Variants in EBF4 observed in about 807,000 individuals in gnomAD.
The protein encoded by EBF4 is EBF transcription factor 4.
EBF4 carries 34 observed loss-of-function variants against 67.1 expected under a neutral mutation model. The observed-to-expected ratio is 0.51, with a 90% CI of 0.39 to 0.67. EBF4 has a LOEUF of 0.67. Among genes scored for constraint, EBF4 ranks in the 30% least tolerant of loss-of-function variants. The probability of loss-of-function intolerance (pLI) is 0.00; values close to 1 mark genes in which losing one functional copy is unlikely to be tolerated. For synonymous variants in EBF4, 387 were observed against 377.7 expected, an observed-to-expected ratio of 1.02 and a Z score of -0.29; for missense variants, 837 against 873.3, an observed-to-expected ratio of 0.96 and a Z score of 0.52.
chr20:2,693,905 G>A lies in EBF4; in HGVS notation c.137+123G>A. 8.3e-7 allele frequency: 1 copy of A among 1,200,322 alleles called. No individual in the cohort carries two copies. The highest frequency in any genetic ancestry group is 1.0e-6 in the Non-Finnish European group (1 of 957,222). 74.4% of individuals were successfully genotyped at this position (1,200,322 alleles called of 1,614,324 possible). ...CCCTAACTCTGGACGGTCCCGGCGA[G>A]CTCCCCGGCCCACCCCGTCCGGAGT... On this transcript the variant is annotated intron_variant, in intron 1 of 16. Coordinates refer to ENST00000609451, the Ensembl canonical transcript of EBF4. This position sits in a 1 kb window ranked among gnomAD's most constrained non-coding sequence, Gnocchi z 4.6.
At chr20:2,701,087 A>G (rs2146371500) in intron 1 of EBF4, among the ~76,000 whole-genome samples, 1 of 152,284 alleles carries the variant, frequency 6.6e-6, no homozygotes, top group Admixed American at 6.5e-5. Context: ...CGTCATTAAC[A>G]CTGCCCTGTT....
At chr20:2,732,734 T>C (rs2087830456) in intron 6 of EBF4, among the ~76,000 whole-genome samples, 1 of 152,210 alleles carries the variant, frequency 6.6e-6, no homozygotes, top group South Asian at 2.1e-4. Flanking sequence ...ATTTCATCCA[T>C]TTATATTTAA....
At chr20:2,752,487 C>T in exon 14 of EBF4, 1 of 1,263,294 alleles carries the variant, frequency 7.9e-7, no homozygotes, top group Middle Eastern at 2.8e-4. Flanking sequence ...TGGCCGGCCT[C>T]GGCGTGCCTG....
intron 5 of EBF4, among the ~76,000 whole-genome samples, chr20:2,709,158 G>A (rs2087502725): frequency 6.6e-6 from 1 of 152,200 alleles, no homozygotes; most frequent in Admixed American, 6.5e-5. Flanking sequence ...CTGTACTCCA[G>A]CCTGGGTGAC....
chr20:2,740,993 A>G (rs2087958917), intron 6 of EBF4, among the ~76,000 whole-genome samples: 1 of 152,098 alleles, frequency 6.6e-6, no homozygotes, highest in Admixed American at 6.5e-5. Flanking sequence ...AACTCACTGT[A>G]AAGTTCCTGG....
intron 6 of EBF4, among the ~76,000 whole-genome samples, chr20:2,742,490 C>G (rs1464650577): frequency 6.6e-6 from 1 of 152,134 alleles, no homozygotes; most frequent in Non-Finnish European, 1.5e-5. Context: ...GTGTTTTCTT[C>G]CAGTAATCCT....
In EBF4 at chr20:2,751,650, A is replaced by AG; in HGVS notation, c.1019-49dup. On this transcript the variant is annotated intron_variant, in intron 10 of 16. Coordinates refer to ENST00000609451, the Ensembl canonical transcript of EBF4. The surrounding 1 kb of genome is among the most constrained non-coding windows in gnomAD (Gnocchi z 5.2). ...TTGGCGCCCTGCGTCTCACCCTGGG[A>AG]GTGGGGGGCTGCGGGGGAGACGTCC... 1 of 1,534,002 alleles carries AG rather than the reference A, an allele frequency of 6.5e-7. No homozygotes were observed. The highest frequency in any genetic ancestry group is 8.8e-7 in the Non-Finnish European group (1 of 1,132,726).
Position 2,752,141 on chromosome 20 carries a change from G to A in EBF4, c.1229G>A (p.Arg410His), listed in dbSNP as rs1232282456. 11 of 1,446,896 alleles carry A rather than the reference G, an allele frequency of 7.6e-6. No homozygotes were observed. Among genetic ancestry groups the A allele is most frequent in the Non-Finnish European group, 9.1e-6 (10 of 1,104,356 alleles). 89.6% of individuals were successfully genotyped at this position (1,446,896 alleles called of 1,614,324 possible). The change falls in exon 13 of 17, where the codon CGC (arginine) becomes CAC (histidine). Residue 410 changes from arginine to histidine, a missense_variant. By Grantham distance (29) the Arg-to-His change is conservative. This residue lies in a region of EBF4 where 525 missense variants were observed against 496.5 expected (regional missense o/e 1.06). Transcript: ENST00000609451. ...GCCGAGGCTCTGTACAGCACCCCCC[G>A]CGCACCCGGGCCGCTCGCACCCCTG...
chr20:2,754,344 T>G (rs1366440413), intron 14 of EBF4, among the ~76,000 whole-genome samples: 2 of 152,160 alleles, frequency 1.3e-5, no homozygotes, highest in Non-Finnish European at 2.9e-5. Flanking sequence ...TTTGTTTTTC[T>G]GCTTCAGCCA....
intron 6 of EBF4, among the ~76,000 whole-genome samples, chr20:2,710,633 T>G (rs1468222777): frequency 6.6e-6 from 1 of 152,002 alleles, no homozygotes; most frequent in Non-Finnish European, 1.5e-5. Flanking sequence ...TTATTCTCCT[T>G]TTAATAGAAA....
intron 6 of EBF4, among the ~76,000 whole-genome samples, chr20:2,723,497 C>T: frequency 9.8e-6 from 1 of 102,346 alleles, no homozygotes; most frequent in East Asian, 1.9e-4. Flanking sequence ...ACTACAGGCG[C>T]CGCCACCACG....
intron 5 of EBF4, among the ~76,000 whole-genome samples, chr20:2,708,923 C>A (rs757291541): frequency 1.3e-5 from 2 of 152,114 alleles, no homozygotes; most frequent in Non-Finnish European, 2.9e-5. Context: ...CAATGGCTCA[C>A]GCCTGTAATC....
chr20:2,719,357 C>T (rs1222458954), intron 6 of EBF4, among the ~76,000 whole-genome samples: 2 of 152,188 alleles, frequency 1.3e-5, no homozygotes, highest in African/African-American at 4.8e-5. Flanking sequence ...TCACTGCAAC[C>T]TCCACCTCCC....
rs1156705410 is a variant in EBF4 at position 2,752,018 on chromosome 20, G to C, written c.1173+31G>C. The C allele has an allele frequency of 5.9e-6, 9 of 1,533,288 alleles. No individual in the cohort carries two copies. In the Admixed American group the frequency reaches 1.4e-4, roughly 24 times the overall value. 95.0% of individuals were successfully genotyped at this position (1,533,288 alleles called of 1,614,324 possible). On this transcript the variant is annotated intron_variant, in intron 12 of 16. Coordinates refer to ENST00000609451, the Ensembl canonical transcript of EBF4. Reference sequence around the variant, plus strand: ...GCGCCTCCGCCCTCCCAGCGCCGCCGGGACCGGGGCCCCCCAGCACGCGGC... The same window carrying C: ...GCGCCTCCGCCCTCCCAGCGCCGCCCGGACCGGGGCCCCCCAGCACGCGGC...
At chr20:2,693,100 G>A (rs1231669449), upstream of EBF4, 1 of 161,410 alleles carries the variant, frequency 6.2e-6, no homozygotes, top group Non-Finnish European at 1.3e-5. This position sits in a 1 kb window ranked among gnomAD's most constrained non-coding sequence, Gnocchi z 4.6. Flanking sequence ...TGCCGCCACT[G>A]TCGCCGCCGC....
chr20:2,755,249 A>C lies in EBF4; in HGVS notation c.1541-378A>C. 1 of 240,404 alleles carries C rather than the reference A, an allele frequency of 4.2e-6. No individual in the cohort carries two copies. The highest frequency in any genetic ancestry group is 8.1e-6 in the Non-Finnish European group (1 of 123,518). 14.9% of individuals were successfully genotyped at this position (240,404 alleles called of 1,614,324 possible). ...ACTATGACTCTAGCCTTGGCACCCC[A>C]AGCAAGGCTCATAAATGTTTCCTAG... On this transcript the variant is annotated intron_variant, in intron 14 of 16. Transcript: ENST00000609451. This position sits in a 1 kb window ranked among gnomAD's most constrained non-coding sequence, Gnocchi z 4.7.
intron 6 of EBF4, among the ~76,000 whole-genome samples, chr20:2,728,465 T>C (rs6115653): frequency 0.16 from 24,178 of 152,068 alleles, 2,059 homozygotes; most frequent in East Asian, 0.29. Context: ...CCCCTACTTA[T>C]TACCTGTAGT....
chr20:2,757,972 A>C (rs1023335501), intron 15 of EBF4, among the ~76,000 whole-genome samples: 49 of 152,222 alleles, frequency 3.2e-4, no homozygotes, highest in African/African-American at 1.1e-3. Context: ...TAAGTAAATA[A>C]ATAAATAACA....
chr20:2,723,499 G>A lies in EBF4; in HGVS notation c.557+13857G>A, dbSNP rs943649576. Among the ~76,000 whole-genome samples, 387 of 146,004 alleles carry A rather than the reference G, an allele frequency of 2.7e-3. 1 individual carries two copies. The highest frequency in any genetic ancestry group is 9.9e-3 in the African/African-American group (366 of 36,866). On this transcript the variant is annotated intron_variant, in intron 6 of 16. Coordinates refer to ENST00000609451, the Ensembl canonical transcript of EBF4. ...CCGAGTAGCTGGGACTACAGGCGCC[G>A]CCACCACGCCCGGCTAATTTTTTGT...
Sources: gnomAD v4.1 joint callset for allele counts (sites outside exome capture counted in the v4.1 genomes callset) on GRCh38, gnomAD v4.1.1 for gene constraint, gnomAD v4.1.1 regional missense constraint, Gnocchi (gnomAD v3.1) non-coding constraint, MANE v1.5 for transcripts, NCBI Gene and HGNC (gene_info 2026-07-23, HGNC 2026-07-21) for gene names.